ADGRL3: variants seen among roughly 807,000 people sequenced by gnomAD.
ADGRL3 encodes the protein calcium-independent alpha-latrotoxin receptor 3.
Under a neutral mutation model 153.5 loss-of-function variants are expected in ADGRL3, and 62 were observed. The observed-to-expected ratio is 0.40, with a 90% CI of 0.33 to 0.50. The LOEUF (loss-of-function observed/expected upper bound fraction) is 0.50, where lower values mean the gene tolerates loss of function less well. Among genes scored for constraint, ADGRL3 ranks in the 20% least tolerant of loss-of-function variants. The probability of loss-of-function intolerance (pLI) is 0.47; values close to 1 mark genes in which losing one functional copy is unlikely to be tolerated. For synonymous variants in ADGRL3, 710 were observed against 672.5 expected, an observed-to-expected ratio of 1.06 and a Z score of -0.86; for missense variants, 1,641 against 1,859.4, an observed-to-expected ratio of 0.88 and a Z score of 2.16.
At chr4:62,067,094 G>C (rs1743349146) in intron 25 of ADGRL3, among the ~76,000 whole-genome samples, 1 of 152,038 alleles carries the variant, frequency 6.6e-6, no homozygotes, top group African/African-American at 2.4e-5. Context: ...TTACTTTAAA[G>C]TTCTTTTGAA....
At chr4:61,880,383 C>A (rs528934069) in intron 9 of ADGRL3, among the ~76,000 whole-genome samples, 27 of 152,142 alleles carry the variant, frequency 1.8e-4, no homozygotes, top group African/African-American at 5.3e-4. Context: ...TAAAAATATG[C>A]AAGTTAAAAT....
intron 9 of ADGRL3, among the ~76,000 whole-genome samples, chr4:61,834,519 C>G (rs1253704901): frequency 6.6e-6 from 1 of 152,094 alleles, no homozygotes; most frequent in East Asian, 1.9e-4. Flanking sequence ...GTTCAAGATC[C>G]CTGAGGAATC....
chr4:62,017,495 C>G (rs916101718), intron 21 of ADGRL3, among the ~76,000 whole-genome samples: 2 of 150,176 alleles, frequency 1.3e-5, no homozygotes, highest in African/African-American at 4.9e-5. Flanking sequence ...TGATTTAACT[C>G]TCTTTACTGT....
chr4:61,483,246 T>C (rs2152744290), intron 2 of ADGRL3, among the ~76,000 whole-genome samples: 1 of 152,330 alleles, frequency 6.6e-6, no homozygotes, highest in East Asian at 1.9e-4. Flanking sequence ...ATAAAATTTA[T>C]AGTATTATTT....
intron 2 of ADGRL3, among the ~76,000 whole-genome samples, chr4:61,387,502 C>A (rs984784945): frequency 2.0e-5 from 3 of 152,100 alleles, no homozygotes; most frequent in Admixed American, 6.5e-5. Flanking sequence ...GAGACGACCA[C>A]GCCCCAGGGG....
At chr4:61,263,522 C>T (rs774587138) in intron 1 of ADGRL3, among the ~76,000 whole-genome samples, 1 of 150,710 alleles carries the variant, frequency 6.6e-6, no homozygotes, top group Non-Finnish European at 1.5e-5. Context: ...ATAATTCTAG[C>T]GTTTCATTTT....
At chr4:61,377,126 A>C (rs1194540955) in intron 1 of ADGRL3, among the ~76,000 whole-genome samples, 3 of 151,930 alleles carry the variant, frequency 2.0e-5, no homozygotes, top group Admixed American at 2.0e-4. Context: ...TTTTGCCTTT[A>C]CCTTCCCTAT....
chr4:61,653,856 G>A (rs769296885), intron 5 of ADGRL3, among the ~76,000 whole-genome samples: 3 of 152,154 alleles, frequency 2.0e-5, no homozygotes, highest in Non-Finnish European at 1.5e-5. Flanking sequence ...ACATACCTGC[G>A]CAGATAGAGA....
intron 2 of ADGRL3, among the ~76,000 whole-genome samples, chr4:61,423,413 T>A (rs147297963): frequency 5.3e-5 from 8 of 152,304 alleles, no homozygotes; most frequent in African/African-American, 1.7e-4. Flanking sequence ...TGGATAGGAT[T>A]AATAGAAGAC....
At chr4:61,700,315 A>AAG (rs76384672) in intron 6 of ADGRL3, among the ~76,000 whole-genome samples, 151,181 of 152,246 alleles carry the variant, frequency 0.99, 75,076 homozygotes, top group Middle Eastern at 1. Context: ...AATATGAAAA[A>AAG]AAATTTAATT....
chr4:61,899,167 A>G (rs921391050), intron 11 of ADGRL3, among the ~76,000 whole-genome samples: 2 of 150,264 alleles, frequency 1.3e-5, no homozygotes, highest in African/African-American at 4.9e-5. Context: ...TTTCATTAAC[A>G]GGAAAACCTT....
chr4:61,257,880 C>T (rs538540673), intron 1 of ADGRL3, among the ~76,000 whole-genome samples: 49 of 151,638 alleles, frequency 3.2e-4, no homozygotes, highest in African/African-American at 6.0e-4. Flanking sequence ...TGTGCGCACG[C>T]GCACACCCCA....
Position 61,744,303 on chromosome 4 carries a change from G to C in ADGRL3, c.1399+10749G>C, listed in dbSNP as rs578229764. ...GGGGCAGGACACAGACAAACAAAAA[G>C]ACAGCAGTAACCTCTGCATACTTAA... On this transcript the variant is annotated intron_variant, in intron 8 of 26. Coordinates refer to ENST00000683033, the MANE Select transcript of ADGRL3 (RefSeq NM_001387552.1). 3.9e-5 allele frequency among the ~76,000 whole-genome samples: 6 copies of C among 152,294 alleles called. No individual in the cohort carries two copies. The South Asian group carries it at 1.2e-3, about 32-fold the overall frequency.
intron 5 of ADGRL3, among the ~76,000 whole-genome samples, chr4:61,604,881 A>G (rs936479027): frequency 1.3e-5 from 2 of 152,008 alleles, no homozygotes; most frequent in African/African-American, 2.4e-5. Flanking sequence ...ACTGAGGTCA[A>G]GAGTTTGAGA....
intron 4 of ADGRL3, among the ~76,000 whole-genome samples, chr4:61,529,797 C>A (rs1411826819): frequency 1.3e-5 from 2 of 151,758 alleles, no homozygotes; most frequent in Middle Eastern, 3.4e-3. Context: ...TTGAAATGTG[C>A]AAAATTAAAG....
chr4:61,895,958 T>C, intron 11 of ADGRL3, 124 bp downstream of exon 11: 1 of 523,008 alleles, frequency 1.9e-6, no homozygotes, highest in South Asian at 3.4e-5. Flanking sequence ...TCACATTTAA[T>C]GACAACCTCT....
intron 9 of ADGRL3, among the ~76,000 whole-genome samples, chr4:61,852,206 T>A (rs1300424011): frequency 6.6e-6 from 1 of 152,188 alleles, no homozygotes; most frequent in African/African-American, 2.4e-5. Flanking sequence ...CTGATATACA[T>A]TGTTGCATTT....
In ADGRL3 at chr4:61,525,417, A is replaced by G. The variant is rs75154155; in HGVS notation, c.259+7899A>G. Among the ~76,000 whole-genome samples the G allele has an allele frequency of 4.0e-3, 604 of 152,244 alleles. 3 individuals are homozygous for G. Among genetic ancestry groups the G allele is most frequent in the Non-Finnish European group, 7.1e-3 (482 of 68,018 alleles). ...CAAGAACACGGGGAAAGAAATAGTG[A>G]GACAGGAAGTTTGAAAGGCAGTTTG... On this transcript the variant is annotated intron_variant, in intron 4 of 26. Transcript: ENST00000683033.
chr4:62,056,738 A>G (rs778106055), intron 25 of ADGRL3, among the ~76,000 whole-genome samples: 10 of 152,138 alleles, frequency 6.6e-5, no homozygotes, highest in Non-Finnish European at 1.3e-4. Context: ...GTTAATGTAT[A>G]TATTAGAAAT....
Sources: gnomAD v4.1 joint callset for allele counts (sites outside exome capture counted in the v4.1 genomes callset) on GRCh38, gnomAD v4.1.1 for gene constraint, MANE v1.5 for transcripts, NCBI Gene and HGNC (gene_info 2026-07-23, HGNC 2026-07-21) for gene names.